Variants in SHC3 observed in about 807,000 individuals in gnomAD.
SHC3 encodes SHC adaptor protein 3, also known as SHC-transforming protein 3.
Under a neutral mutation model 60.4 loss-of-function variants are expected in SHC3, and 15 were observed. The ratio of observed to expected loss-of-function variants is 0.25; its 90% CI spans 0.17 to 0.38. The LOEUF (loss-of-function observed/expected upper bound fraction) is 0.38, where lower values mean the gene tolerates loss of function less well. SHC3 is among the 10% of genes least tolerant of loss of function. The pLI is 1.00. For synonymous variants in SHC3, 294 were observed against 325.9 expected, an observed-to-expected ratio of 0.90 and a Z score of 1.05; for missense variants, 677 against 786.1, an observed-to-expected ratio of 0.86 and a Z score of 1.66.
At chr9:89,160,309 G>T (rs368575331) in intron 1 of SHC3, among the ~76,000 whole-genome samples, 2 of 152,192 alleles carry the variant, frequency 1.3e-5, no homozygotes, top group African/African-American at 4.8e-5. Context: ...CCCAGATCTG[G>T]ATAGTCCTTC....
intron 4 of SHC3, among the ~76,000 whole-genome samples, 176 bp downstream of exon 4, chr9:89,074,933 C>T (rs1825332474): frequency 6.6e-6 from 1 of 151,840 alleles, no homozygotes; most frequent in Non-Finnish European, 1.5e-5. Context: ...TTAAAGAGAG[C>T]CAATTTCATT....
intron 1 of SHC3, among the ~76,000 whole-genome samples, chr9:89,162,616 G>A (rs1409036727): frequency 2.6e-5 from 4 of 151,742 alleles, no homozygotes; most frequent in African/African-American, 9.7e-5. Context: ...AGACTTAAAC[G>A]TTAGACCTAA....
At chr9:89,118,057 T>A (rs1193584303) in intron 1 of SHC3, among the ~76,000 whole-genome samples, 1 of 152,160 alleles carries the variant, frequency 6.6e-6, no homozygotes, top group Non-Finnish European at 1.5e-5. Flanking sequence ...TTAAAATCAT[T>A]TTGTGAAGTT....
intron 1 of SHC3, among the ~76,000 whole-genome samples, chr9:89,124,617 C>T (rs1052886379): frequency 1.2e-4 from 19 of 152,038 alleles, no homozygotes; most frequent in Non-Finnish European, 2.5e-4. Flanking sequence ...CGTTCTCACT[C>T]ATAAGTGGGA....
At position 89,178,569 on chromosome 9, in the gene SHC3, G is replaced by T. The variant is rs1184451118; in HGVS notation, c.-109C>A. On this transcript the variant is annotated 5_prime_UTR_variant, in exon 1 of 12. Coordinates refer to ENST00000375835, the MANE Select transcript of SHC3 (RefSeq NM_016848.6). This position sits in a 1 kb window ranked among gnomAD's most constrained non-coding sequence, Gnocchi z 6.9. Reference sequence around the variant, plus strand: ...CTGTCCCCGGAGCGGGACGGAGAGTGGGGGCCCCGGGACAGCCTTCTGGAG... The same window carrying T: ...CTGTCCCCGGAGCGGGACGGAGAGTTGGGGCCCCGGGACAGCCTTCTGGAG... The T allele has an allele frequency of 9.6e-7, 1 of 1,044,496 alleles. No individual in the cohort carries two copies. The highest frequency in any genetic ancestry group is 1.3e-6 in the Non-Finnish European group (1 of 763,422). The allele number at this position is 1,044,496 out of a possible 1,614,324, so 64.7% of individuals were successfully genotyped here.
intron 1 of SHC3, among the ~76,000 whole-genome samples, chr9:89,168,929 A>T (rs57437933): frequency 5.9e-5 from 9 of 151,896 alleles, no homozygotes; most frequent in Middle Eastern, 3.4e-3. Flanking sequence ...ATTTTTTCCC[A>T]CCTTCAGATC....
chr9:89,169,808 A>G (rs1345479698), intron 1 of SHC3, among the ~76,000 whole-genome samples: 3 of 152,156 alleles, frequency 2.0e-5, no homozygotes, highest in Non-Finnish European at 4.4e-5. Context: ...TTGTGTTTAT[A>G]TGTTTCCTAT....
chr9:89,173,144 C>G (rs1052504532), intron 1 of SHC3, among the ~76,000 whole-genome samples: 3 of 152,254 alleles, frequency 2.0e-5, no homozygotes, highest in Non-Finnish European at 4.4e-5. Flanking sequence ...GAGAGGTGAG[C>G]TGACTGCTCT....
chr9:89,167,891 AG>A (rs1826813046), intron 1 of SHC3, among the ~76,000 whole-genome samples: 1 of 152,230 alleles, frequency 6.6e-6, no homozygotes, highest in African/African-American at 2.4e-5. Flanking sequence ...GTGACTCAAA[AG>A]CATCAATGTA....
Position 89,178,594 on chromosome 9 carries a change from G to C in SHC3, c.-134C>G. On this transcript the variant is annotated 5_prime_UTR_variant, in exon 1 of 12. Coordinates refer to ENST00000375835, the MANE Select transcript of SHC3 (RefSeq NM_016848.6). The surrounding 1 kb of genome is among the most constrained non-coding windows in gnomAD (Gnocchi z 6.9). Reference sequence around the variant, plus strand: ...GGGGGCCCCGGGACAGCCTTCTGGAGAACGAGAGCAGAGCAAGAGGATGGT... The same window carrying C: ...GGGGGCCCCGGGACAGCCTTCTGGACAACGAGAGCAGAGCAAGAGGATGGT... The C allele has an allele frequency of 1.4e-6, 1 of 732,510 alleles. No homozygotes were observed. The highest frequency in any genetic ancestry group is 2.0e-6 in the Non-Finnish European group (1 of 493,832). The allele number at this position is 732,510 out of a possible 1,614,324, so 45.4% of individuals were successfully genotyped here.
chr9:89,063,389 A>G (rs1825124185), intron 6 of SHC3, among the ~76,000 whole-genome samples: 1 of 152,156 alleles, frequency 6.6e-6, no homozygotes, highest in South Asian at 2.1e-4. Context: ...CGGCCTCCCA[A>G]AGTGTTGGGA....
chr9:89,034,846 GA>G (rs920299142), intron 11 of SHC3, among the ~76,000 whole-genome samples: 2 of 152,120 alleles, frequency 1.3e-5, no homozygotes, highest in African/African-American at 4.8e-5. Context: ...AAATTGTTGG[GA>G]AAAAGCTGAA....
chr9:89,173,682 G>A (rs912146850), intron 1 of SHC3, among the ~76,000 whole-genome samples: 2 of 151,908 alleles, frequency 1.3e-5, no homozygotes, highest in African/African-American at 4.8e-5. Flanking sequence ...GTATGGTTGT[G>A]TGTGGGTGCA....
rs1363634341 is a variant in SHC3 at position 89,009,498 on chromosome 9, T to G, written c.*3949A>C. On this transcript the variant is annotated 3_prime_UTR_variant, in exon 12 of 12. Transcript: ENST00000375835. ...AGAGAACCAATGGGCACGCTGGGAA[T>G]GCACAATTTTAGAAAATCATTGCGC... The G allele has an allele frequency of 6.6e-6, 1 of 152,228 alleles. No individual in the cohort carries two copies. Among genetic ancestry groups the G allele is most frequent in the Non-Finnish European group, 1.5e-5 (1 of 68,044 alleles). 9.4% of individuals were successfully genotyped at this position (152,228 alleles called of 1,614,324 possible).
chr9:89,174,148 G>GA (rs945066278), intron 1 of SHC3, among the ~76,000 whole-genome samples: 3 of 152,100 alleles, frequency 2.0e-5, no homozygotes, highest in East Asian at 3.9e-4. Flanking sequence ...TTTGTCAAGT[G>GA]AAAAAAATTA....
chr9:89,113,089 C>T (rs1327232721), intron 1 of SHC3, among the ~76,000 whole-genome samples: 1 of 131,538 alleles, frequency 7.6e-6, no homozygotes, highest in East Asian at 1.9e-4. Context: ...ACATTTTCAT[C>T]AACATTAAAT....
intron 1 of SHC3, among the ~76,000 whole-genome samples, chr9:89,134,969 A>C (rs1826298548): frequency 6.6e-6 from 1 of 152,174 alleles, no homozygotes; most frequent in Admixed American, 6.6e-5. Context: ...AGCCTTTAGC[A>C]ATTGAGTAAA....
chr9:89,093,250 A>G (rs527276271), intron 2 of SHC3, among the ~76,000 whole-genome samples: 2 of 152,362 alleles, frequency 1.3e-5, no homozygotes, highest in African/African-American at 4.8e-5. Flanking sequence ...AAAATCTTGT[A>G]CAGAATAATT....
intron 2 of SHC3, among the ~76,000 whole-genome samples, chr9:89,080,768 CTTT>C (rs11445164): frequency 1.7e-4 from 21 of 127,188 alleles, no homozygotes; most frequent in Middle Eastern, 4.3e-3. Flanking sequence ...TGTATGTATA[CTTT>C]TTTTTTTTTT....
Sources: gnomAD v4.1 joint callset for allele counts (sites outside exome capture counted in the v4.1 genomes callset) on GRCh38, gnomAD v4.1.1 for gene constraint, Gnocchi (gnomAD v3.1) non-coding constraint, MANE v1.5 for transcripts, NCBI Gene and HGNC (gene_info 2026-07-23, HGNC 2026-07-21) for gene names.